Variants in SEC14L1 observed in about 807,000 individuals in gnomAD.
SEC14L1 encodes SEC14 like lipid binding 1.
Under a neutral mutation model 85.3 loss-of-function variants are expected in SEC14L1, and 48 were observed. The observed-to-expected ratio is 0.56, with a 90% confidence interval of 0.45 to 0.72. SEC14L1 has a LOEUF of 0.72. Ranked by LOEUF, SEC14L1 falls within the 30% of genes least tolerant of loss-of-function variation. The probability of loss-of-function intolerance (pLI) is 0.00; values close to 1 mark genes in which losing one functional copy is unlikely to be tolerated. For missense variants in SEC14L1, 682 were observed against 921.4 expected (o/e 0.74, Z 3.36); for synonymous variants, 391 against 355.5 (o/e 1.10, Z -1.12).
rs138559408 is a variant in SEC14L1 at position 77,212,168 on chromosome 17, G to A, written c.1830G>A (p.Ser610=). The change falls in exon 15 of 17, where the codon TCG becomes TCA. Residue 610 remains serine, a synonymous_variant. Coordinates refer to ENST00000436233, the MANE Select transcript of SEC14L1 (RefSeq NM_001143998.2). The part of the protein sequence containing the change: ...QLGRDYSMVE[S]PLICKEGESV... ...GCCGCGACTACAGCATGGTGGAGTC[G>A]CCTCTGATCTGCAAAGAAGGAGAAA... 468 of 1,613,968 alleles carry A rather than the reference G, an allele frequency of 2.9e-4. No individual in the cohort carries two copies. The highest frequency in any genetic ancestry group is 3.7e-4 in the Non-Finnish European group (431 of 1,180,036).
rs1350415043 is a variant in SEC14L1, at chr17:77,194,793, C to T, written c.591C>T (p.Ser197=). ...CTTCAGAGACATCTTCATCATCCTC[C>T]AAGAAACAAGCAGCGTCCATGGCCG... ...TTSSETSSSS[S]KKQAASMAVV... The change falls in exon 7 of 17, where the codon TCC becomes TCT. Residue 197 remains serine, a synonymous_variant. Coordinates refer to ENST00000436233, the MANE Select transcript of SEC14L1 (RefSeq NM_001143998.2). 3 of 1,614,184 alleles carry T rather than the reference C, an allele frequency of 1.9e-6. No individual in the cohort carries two copies. In the South Asian group the frequency reaches 3.3e-5, roughly 18 times the overall value.
chr17:77,120,389 C>T (rs562188162), intron 3 of SEC14L1, among the ~76,000 whole-genome samples: 10 of 152,138 alleles, frequency 6.6e-5, no homozygotes, highest in African/African-American at 1.9e-4. Context: ...AGGTCTAGAA[C>T]GTCGCTGTGT....
intron 1 of SEC14L1, chr17:77,141,467 C>G (rs1439590417): frequency 6.6e-6 from 1 of 151,690 alleles, no homozygotes; most frequent in Non-Finnish European, 1.5e-5. Context: ...CCCCGTGGGG[C>G]TCAGCCGCGC....
intron 1 of SEC14L1, among the ~76,000 whole-genome samples, chr17:77,142,145 C>A (rs775177388): frequency 3.9e-5 from 6 of 152,118 alleles, no homozygotes; most frequent in Non-Finnish European, 7.4e-5. Flanking sequence ...ATGGCTTACT[C>A]GTGGTCACCC....
chr17:77,204,522 CTTTTTTTTTTTTTT>C (rs745921636), intron 10 of SEC14L1, among the ~76,000 whole-genome samples: 4 of 84,728 alleles, frequency 4.7e-5, no homozygotes, highest in Non-Finnish European at 9.5e-5. Flanking sequence ...GCCCAGCCAG[CTTTTTTTTTTTTTT>C]TTTTTTTTTT....
Position 77,211,936 on chromosome 17 carries a change from T to C in SEC14L1, c.1612-14T>C. The C allele has an allele frequency of 6.2e-7, 1 of 1,612,424 alleles. No individual in the cohort carries two copies. Among genetic ancestry groups the C allele is most frequent in the Non-Finnish European group, 8.5e-7 (1 of 1,178,880 alleles). Reference sequence around the variant, plus strand: ...CTCGTGGATCGTGGCTGCCTAACGCTGCCTCTTTTTCAGATTCTCATTCAG... The same window carrying C: ...CTCGTGGATCGTGGCTGCCTAACGCCGCCTCTTTTTCAGATTCTCATTCAG... On this transcript the variant is annotated splice_polypyrimidine_tract_variant and intron_variant, in intron 14 of 16. Coordinates refer to ENST00000436233, the MANE Select transcript of SEC14L1 (RefSeq NM_001143998.2).
In SEC14L1 at chr17:77,213,617, G is replaced by A. The variant is rs1053445288; in HGVS notation, c.2042+125G>A. 1 of 1,195,176 alleles carries A rather than the reference G, an allele frequency of 8.4e-7. No individual in the cohort carries two copies. The highest frequency in any genetic ancestry group is 1.2e-6 in the Non-Finnish European group (1 of 832,882). 74.0% of individuals were successfully genotyped at this position (1,195,176 alleles called of 1,614,324 possible). The stretch of plus-strand genomic sequence containing the variant: ...GTGTCAGGAATGCTTGGAGGGCCAG[G>A]AGGGAGTGGCTTTGGGGTCATTTGT... On this transcript the variant is annotated intron_variant, in intron 16 of 16. Transcript: ENST00000436233. The surrounding 1 kb of genome is among the most constrained non-coding windows in gnomAD (Gnocchi z 7.1).
At chr17:77,116,294 A>G (rs1972170840) in intron 3 of SEC14L1, among the ~76,000 whole-genome samples, 1 of 152,204 alleles carries the variant, frequency 6.6e-6, no homozygotes, top group Non-Finnish European at 1.5e-5. Context: ...GTTGCAAGAA[A>G]TTTGTGTGCC....
chr17:77,166,355 G>T (rs897660855), intron 3 of SEC14L1, among the ~76,000 whole-genome samples: 1 of 152,286 alleles, frequency 6.6e-6, no homozygotes, highest in South Asian at 2.1e-4. Flanking sequence ...AAATTAAATA[G>T]CCTCCCCAAG....
intron 3 of SEC14L1, among the ~76,000 whole-genome samples, chr17:77,159,403 CAG>C (rs1171291726): frequency 1.6e-5 from 2 of 123,728 alleles, no homozygotes; most frequent in African/African-American, 3.1e-5. Context: ...TTTTTTGAGA[CAG>C]AGTCTCGCTC....
Position 77,214,286 on chromosome 17 carries a change from A to C in SEC14L1, c.*263A>C. 1 of 1,257,900 alleles carries C rather than the reference A, an allele frequency of 7.9e-7. No individual in the cohort carries two copies. 77.9% of individuals were successfully genotyped at this position (1,257,900 alleles called of 1,614,324 possible). On this transcript the variant is annotated 3_prime_UTR_variant, in exon 17 of 17. Coordinates refer to ENST00000436233, the MANE Select transcript of SEC14L1 (RefSeq NM_001143998.2). ...AACCAGAGCGCAAGGGCTCTCTTGA[A>C]AGAAAAGTAGTTTCTGTACCAATTA...
intron 3 of SEC14L1, among the ~76,000 whole-genome samples, chr17:77,095,370 C>T (rs1396355287): frequency 6.6e-6 from 1 of 152,098 alleles, no homozygotes; most frequent in Non-Finnish European, 1.5e-5. Flanking sequence ...AATGAGTGTC[C>T]CAAGGCAGTG....
At chr17:77,189,301 G>A (rs751990896) in intron 3 of SEC14L1, among the ~76,000 whole-genome samples, 3 of 152,144 alleles carry the variant, frequency 2.0e-5, no homozygotes, top group East Asian at 1.9e-4. Context: ...AAAGGTTAAC[G>A]CAGAGGGGAC....
intron 3 of SEC14L1, among the ~76,000 whole-genome samples, chr17:77,118,273 G>A (rs543422569): frequency 8.5e-5 from 13 of 152,354 alleles, no homozygotes; most frequent in East Asian, 1.9e-4. Flanking sequence ...CCACCTGGGC[G>A]TTGTCTCCGT....
At position 77,206,927 on chromosome 17, in the gene SEC14L1, T is replaced by C. The variant is rs778669879; in HGVS notation, c.1476+65T>C. The C allele has an allele frequency of 1.4e-6, 2 of 1,407,440 alleles. No homozygotes were observed. Among genetic ancestry groups the C allele is most frequent in the Non-Finnish European group, 1.9e-6 (2 of 1,062,328 alleles). 87.2% of individuals were successfully genotyped at this position (1,407,440 alleles called of 1,614,324 possible). A position where few individuals can be genotyped will look rare whatever the true frequency, so the allele number is the denominator to read the frequency against. ...TGCAGGTGGGAGAGGTCGGTGTCGA[T>C]TTGCACAAATGATTTTCAGAACTTC... On this transcript the variant is annotated intron_variant, in intron 13 of 16. Transcript: ENST00000436233. The surrounding 1 kb of genome is among the most constrained non-coding windows in gnomAD (Gnocchi z 4.3).
chr17:77,142,152 AC>A (rs1384165252), intron 1 of SEC14L1, among the ~76,000 whole-genome samples: 2 of 152,140 alleles, frequency 1.3e-5, no homozygotes, highest in Non-Finnish European at 2.9e-5. Flanking sequence ...ACTCGTGGTC[AC>A]CCAGAGTCAT....
At chr17:77,092,349 A>G (rs1289942673) in intron 2 of SEC14L1, among the ~76,000 whole-genome samples, 2 of 152,140 alleles carry the variant, frequency 1.3e-5, no homozygotes, top group Non-Finnish European at 2.9e-5. Context: ...AGTAGGCACT[A>G]TGGAACAACA....
At chr17:77,164,244 C>T (rs1363871148) in intron 3 of SEC14L1, among the ~76,000 whole-genome samples, 2 of 152,320 alleles carry the variant, frequency 1.3e-5, no homozygotes, top group East Asian at 1.9e-4. Flanking sequence ...AGGCCATCAG[C>T]CCACGGCGCT....
At position 77,213,520 on chromosome 17, in the gene SEC14L1, C is replaced by G. The variant is rs757109513; in HGVS notation, c.2042+28C>G. On this transcript the variant is annotated intron_variant, in intron 16 of 16. Transcript: ENST00000436233. The surrounding 1 kb of genome is among the most constrained non-coding windows in gnomAD (Gnocchi z 7.1). ...GCGGCCACCCTCGCCACAGCAGGTG[C>G]TGCGGACAGCTGGGCATGGTTGGAG... 1.8e-5 allele frequency: 29 copies of G among 1,601,216 alleles called. No homozygotes were observed. The highest frequency in any genetic ancestry group is 2.4e-5 in the Non-Finnish European group (28 of 1,179,580).
Sources: allele counts gnomAD v4.1 joint callset (sites outside exome capture counted in the v4.1 genomes callset), GRCh38; gene constraint gnomAD v4.1.1; non-coding constraint Gnocchi (gnomAD v3.1); transcripts MANE v1.5; gene names NCBI Gene and HGNC (gene_info 2026-07-23, HGNC 2026-07-21).